The following ODF2L variants were observed in gnomAD, a reference collection of about 807,000 sequenced individuals.
ODF2L encodes outer dense fiber of sperm tails 2 like.
In ODF2L, 76 loss-of-function variants were observed where a neutral mutation model predicts 86.3. That is an observed-to-expected ratio of 0.88 (90% CI 0.73 to 1.07). The LOEUF is 1.07. Ranked by LOEUF, ODF2L falls within the 50% of genes least tolerant of loss-of-function variation. The pLI is 0.00. For missense variants in ODF2L, 748 were observed against 717.4 expected (o/e 1.04, Z -0.49); for synonymous variants, 241 against 231.3 (o/e 1.04, Z -0.38).
chr1:86,366,413 CACACACACACACACACACACAT>C (rs1169303247), intron 11 of ODF2L, among the ~76,000 whole-genome samples: 12 of 141,854 alleles, frequency 8.5e-5, no homozygotes, highest in South Asian at 2.3e-4. Flanking sequence ...CACACACACA[CACACACACACACACACACACAT>C]ACACATACAC....
rs71643841 is a variant in ODF2L at position 86,366,391 on chromosome 1, T to TACACACACAC, written c.1143+2235_1143+2244dup. On this transcript the variant is annotated intron_variant, in intron 11 of 17. Transcript: ENST00000317336. ...CTAGGCAGCATAGTGAGACCCCACC[T>TACACACACAC]ACACACACACACACACACACACACA... 1.5e-3 allele frequency among the ~76,000 whole-genome samples: 184 copies of TACACACACAC among 119,330 alleles called. 1 individual carries two copies. The highest frequency in any genetic ancestry group is 4.3e-3 in the African/African-American group (131 of 30,520). 78.3% of individuals were successfully genotyped at this position (119,330 alleles called of 152,430 possible).
At chr1:86,395,033 C>T (rs1661627236) in intron 1 of ODF2L, among the ~76,000 whole-genome samples, 2 of 151,978 alleles carry the variant, frequency 1.3e-5, no homozygotes, top group Non-Finnish European at 1.5e-5. Context: ...TTAGTAGAGA[C>T]GGGGTTTCAC....
At chr1:86,355,415 A>C (rs1014315831) in intron 14 of ODF2L, 7 of 1,405,800 alleles carry the variant, frequency 5.0e-6, no homozygotes, top group Non-Finnish European at 6.8e-6. Context: ...GCTTTGATTC[A>C]AGGAAAAAAT....
intron 14 of ODF2L, 78 bp from the exon 14 acceptor site, chr1:86,354,937 G>A: frequency 1.3e-6 from 1 of 789,118 alleles, no homozygotes; most frequent in Non-Finnish European, 2.1e-6. Context: ...TTTATTGTTA[G>A]AACAACCACA....
At chr1:86,389,286 T>A (rs1295792260) in intron 1 of ODF2L, among the ~76,000 whole-genome samples, 1 of 152,172 alleles carries the variant, frequency 6.6e-6, no homozygotes, top group African/African-American at 2.4e-5. Flanking sequence ...ACATATTCTG[T>A]ATACATGTTT....
downstream of ODF2L, chr1:86,346,969 C>G (rs942739996): frequency 2.0e-5 from 3 of 152,328 alleles, no homozygotes; most frequent in East Asian, 3.9e-4. Flanking sequence ...AGTTACCTAA[C>G]CTTTCCATGT....
At chr1:86,365,208 C>T (rs937195437) in intron 11 of ODF2L, among the ~76,000 whole-genome samples, 4 of 151,980 alleles carry the variant, frequency 2.6e-5, no homozygotes, top group Non-Finnish European at 5.9e-5. Flanking sequence ...AGTATCTTTA[C>T]GATAGTATTG....
downstream of ODF2L, chr1:86,348,822 C>T (rs373791078): frequency 4.3e-5 from 67 of 1,561,290 alleles, 1 homozygote; most frequent in South Asian, 2.6e-4. Context: ...TTTGATTTTC[C>T]GACTTCTCAA....
chr1:86,389,169 T>C (rs564904806), intron 1 of ODF2L, among the ~76,000 whole-genome samples: 2 of 152,224 alleles, frequency 1.3e-5, no homozygotes, highest in African/African-American at 2.4e-5. Context: ...TATTCTTGTA[T>C]AGAAAAGCAG....
At chr1:86,384,083 G>A (rs1385686382) in intron 4 of ODF2L, among the ~76,000 whole-genome samples, 3 of 151,694 alleles carry the variant, frequency 2.0e-5, no homozygotes, top group Non-Finnish European at 4.4e-5. Context: ...TTTTCTATGA[G>A]CATGTAACTT....
intron 2 of ODF2L, chr1:86,386,707 C>A: frequency 2.4e-6 from 1 of 413,690 alleles, no homozygotes; most frequent in Non-Finnish European, 4.2e-6. Flanking sequence ...TTTTTAATTG[C>A]TTTCATTAAG....
chr1:86,363,448 G>A (rs1457436242), intron 11 of ODF2L, among the ~76,000 whole-genome samples: 1 of 152,034 alleles, frequency 6.6e-6, no homozygotes, highest in Non-Finnish European at 1.5e-5. Context: ...TTTAAAATTA[G>A]CACTTTTAAT....
At chr1:86,394,909 C>T (rs1221159961) in intron 1 of ODF2L, among the ~76,000 whole-genome samples, 1 of 146,548 alleles carries the variant, frequency 6.8e-6, no homozygotes, top group Non-Finnish European at 1.5e-5. Context: ...GGCGCGATCT[C>T]GGCTCACGGC....
intron 2 of ODF2L, 36 bp downstream of exon 2, chr1:86,386,879 G>C: frequency 9.3e-7 from 1 of 1,069,782 alleles, no homozygotes; most frequent in Non-Finnish European, 1.4e-6. Context: ...TCCTAGAATC[G>C]GAAATTTAGA....
chr1:86,361,825 T>TA (rs1659055768), intron 11 of ODF2L, among the ~76,000 whole-genome samples: 1 of 152,228 alleles, frequency 6.6e-6, no homozygotes, highest in Admixed American at 6.5e-5. Context: ...ATATGTTCAC[T>TA]AGTTACTTTT....
At position 86,372,423 on chromosome 1, in the gene ODF2L, T is replaced by G; in HGVS notation, c.920+8A>C. On this transcript the variant is annotated splice_region_variant and intron_variant, in intron 9 of 17. Transcript: ENST00000317336. ...CTAAATAATAAAATATTCTAAATTT[T>G]TTCTTACTTTTTCATTGTTTCAATC... The G allele has an allele frequency of 8.1e-7, 1 of 1,230,920 alleles. No individual in the cohort carries two copies. The allele number at this position is 1,230,920 out of a possible 1,614,324, so 76.2% of individuals were successfully genotyped here. A position where few individuals can be genotyped will look rare whatever the true frequency, so the allele number is the denominator to read the frequency against.
chr1:86,353,117 T>C, intron 16 of ODF2L, 133 bp from the exon 16 acceptor site: 1 of 622,914 alleles, frequency 1.6e-6, no homozygotes, highest in Non-Finnish European at 2.8e-6. Context: ...AGATGTTCTA[T>C]CTTGAAGAAG....
At chr1:86,386,045 A>T (rs1354803944) in intron 2 of ODF2L, 2 of 152,830 alleles carry the variant, frequency 1.3e-5, no homozygotes, top group Admixed American at 6.5e-5. Context: ...GTCCCTTATT[A>T]AAAACCATGG....
chr1:86,364,505 A>G (rs1324576039), intron 11 of ODF2L, among the ~76,000 whole-genome samples: 2 of 152,220 alleles, frequency 1.3e-5, no homozygotes, highest in African/African-American at 4.8e-5. Context: ...ATTGCAGAAA[A>G]TGAGTATTCA....
Sources: allele counts gnomAD v4.1 joint callset (sites outside exome capture counted in the v4.1 genomes callset), GRCh38; gene constraint gnomAD v4.1.1; transcripts MANE v1.5; gene names NCBI Gene and HGNC (gene_info 2026-07-23, HGNC 2026-07-21).